The following CLVS1 variants were observed in gnomAD, a reference collection of about 807,000 sequenced individuals.
The protein encoded by CLVS1 is clavesin 1.
In CLVS1, 10 loss-of-function variants were observed where a neutral mutation model predicts 33.1. The observed-to-expected ratio is 0.30, with a 90% CI of 0.19 to 0.51. The LOEUF (loss-of-function observed/expected upper bound fraction) is 0.51. Ranked by LOEUF, CLVS1 falls within the 20% of genes least tolerant of loss-of-function variation. The probability of loss-of-function intolerance (pLI) is 0.97; values close to 1 mark genes in which losing one functional copy is unlikely to be tolerated. For missense variants in CLVS1, 343 were observed against 433.4 expected (o/e 0.79, Z 1.85); for synonymous variants, 163 against 166.1 (o/e 0.98, Z 0.14).
chr8:61,035,187 C>CTCTTT, the CLVS1 span, among the ~76,000 whole-genome samples: 2 of 129,410 alleles, frequency 1.5e-5, no homozygotes, highest in East Asian at 4.4e-4. Flanking sequence ...TTTCTTTTTT[C>CTCTTT]TTTTTTTTTT....
At chr8:61,263,595 A>G (rs1809249741) in intron 2 of CLVS1, among the ~76,000 whole-genome samples, 1 of 152,256 alleles carries the variant, frequency 6.6e-6, no homozygotes, top group Non-Finnish European at 1.5e-5. Context: ...AAATATTTGC[A>G]TTTCTACTTT....
At chr8:61,164,590 A>G (rs2116466) in intron 2 of CLVS1, among the ~76,000 whole-genome samples, 22,079 of 152,098 alleles carry the variant, frequency 0.15, 1,970 homozygotes, top group Admixed American at 0.24. Context: ...GTGGGAGGGC[A>G]AGTCCCCCCC....
chr8:61,106,187 A>G (rs1158821071), intron 1 of CLVS1, among the ~76,000 whole-genome samples: 2 of 152,150 alleles, frequency 1.3e-5, no homozygotes, highest in Non-Finnish European at 2.9e-5. Context: ...GGTTTGTTTA[A>G]TTGAACTGTA....
intron 5 of CLVS1, among the ~76,000 whole-genome samples, chr8:61,475,366 G>A (rs935707173): frequency 6.6e-5 from 10 of 152,166 alleles, no homozygotes; most frequent in Non-Finnish European, 8.8e-5. Flanking sequence ...CTGAGGAATC[G>A]CCACACCAGC....
rs990969278 is a variant in CLVS1 at position 61,065,345 on chromosome 8, TTCCC to T, written c.-243+8117_-243+8120del. ...AGTACAGATACAATCATCTTTTTTT[TTCCC>T]TGAATTTTTTGATGCTTGCTTGGTT... On this transcript the variant is annotated intron_variant, in intron 1 of 2. Transcript: ENST00000522621. Among the ~76,000 whole-genome samples the T allele has an allele frequency of 2.1e-4, 32 of 152,330 alleles. 1 individual carries two copies. The highest frequency in any genetic ancestry group is 4.1e-4 in the South Asian group (2 of 4,832).
At chr8:61,274,174 T>C (rs1809520491) in intron 2 of CLVS1, 3 of 152,238 alleles carry the variant, frequency 2.0e-5, no homozygotes, top group Admixed American at 1.3e-4. Context: ...AGTAATTTAT[T>C]GAACACCTTC....
At chr8:60,987,744 A>G in the CLVS1 span, among the ~76,000 whole-genome samples, 9 of 152,128 alleles carry the variant, frequency 5.9e-5, no homozygotes, top group African/African-American at 2.2e-4. Flanking sequence ...CATTATCATG[A>G]TAAGCATGGA....
At chr8:61,397,407 T>TAA (rs1172058296) in intron 3 of CLVS1, among the ~76,000 whole-genome samples, 1 of 152,212 alleles carries the variant, frequency 6.6e-6, no homozygotes, top group African/African-American at 2.4e-5. Flanking sequence ...ATTTTGGAGT[T>TAA]ATAAGAGAAA....
intron 3 of CLVS1, among the ~76,000 whole-genome samples, chr8:61,453,281 A>G (rs1817028632): frequency 1.3e-5 from 2 of 152,114 alleles, no homozygotes; most frequent in Non-Finnish European, 2.9e-5. Context: ...AGACTAGCTC[A>G]GACTTTCTGG....
At chr8:61,292,239 A>T in intron 1 of CLVS1, 1 of 420,296 alleles carries the variant, frequency 2.4e-6, no homozygotes, top group Non-Finnish European at 4.8e-6. Context: ...TCTATTTCTA[A>T]TTGAGGAGAA....
chr8:61,384,578 G>A (rs140699083), intron 3 of CLVS1, among the ~76,000 whole-genome samples: 145 of 152,256 alleles, frequency 9.5e-4, no homozygotes, highest in African/African-American at 3.0e-3. Context: ...TGGTGATGCC[G>A]ACTGGTGATA....
At chr8:60,993,581 T>G in the CLVS1 span, among the ~76,000 whole-genome samples, 1 of 152,202 alleles carries the variant, frequency 6.6e-6, no homozygotes, top group Non-Finnish European at 1.5e-5. Flanking sequence ...CAGGAAACCC[T>G]CAGGGGAGCC....
chr8:61,350,655 T>C (rs1335535108), intron 2 of CLVS1, among the ~76,000 whole-genome samples: 1 of 152,122 alleles, frequency 6.6e-6, no homozygotes, highest in African/African-American at 2.4e-5. Context: ...TCTTACACCA[T>C]TATGTCTTTG....
intron 2 of CLVS1, among the ~76,000 whole-genome samples, chr8:61,306,531 G>A (rs977701631): frequency 7.2e-5 from 11 of 152,174 alleles, no homozygotes; most frequent in African/African-American, 2.4e-4. Context: ...ATACCACATT[G>A]TCTTTACCCA....
At chr8:61,252,436 CT>C (rs1808970074) in intron 2 of CLVS1, among the ~76,000 whole-genome samples, 1 of 152,130 alleles carries the variant, frequency 6.6e-6, no homozygotes, top group Non-Finnish European at 1.5e-5. Flanking sequence ...ATTAGGTCTG[CT>C]TGGTCCAGAC....
intron 2 of CLVS1, among the ~76,000 whole-genome samples, chr8:61,147,171 C>T (rs1187020612): frequency 6.6e-6 from 1 of 152,174 alleles, no homozygotes; most frequent in Non-Finnish European, 1.5e-5. Flanking sequence ...GATGCTTCAG[C>T]CTGAGGGAGA....
chr8:61,454,048 A>T, intron 3 of CLVS1, 93 bp from the exon 4 acceptor site: 1 of 853,344 alleles, frequency 1.2e-6, no homozygotes, highest in South Asian at 1.4e-5. Flanking sequence ...CCAGGCAGGA[A>T]AAACAGGTTG....
intron 2 of CLVS1, among the ~76,000 whole-genome samples, chr8:61,242,305 C>T (rs1293278846): frequency 6.6e-6 from 1 of 152,094 alleles, no homozygotes; most frequent in African/African-American, 2.4e-5. Context: ...AAAAATTACT[C>T]CACATATTTC....
intron 2 of CLVS1, among the ~76,000 whole-genome samples, chr8:61,181,492 A>G (rs901944002): frequency 4.6e-5 from 7 of 152,186 alleles, no homozygotes; most frequent in Non-Finnish European, 7.3e-5. Context: ...TTTAAATTTC[A>G]TATAAAACCA....
Sources: gnomAD v4.1 joint callset for allele counts (sites outside exome capture counted in the v4.1 genomes callset) on GRCh38, gnomAD v4.1.1 for gene constraint, MANE v1.5 for transcripts, NCBI Gene and HGNC (gene_info 2026-07-23, HGNC 2026-07-21) for gene names.